ATM: variants seen among roughly 807,000 people sequenced by gnomAD.
ATM encodes ATM serine/threonine kinase, also known as serine-protein kinase ATM.
A neutral mutation model predicts 387.0 loss-of-function variants in ATM; 308 were observed. The ratio of observed to expected loss-of-function variants is 0.80; its 90% CI spans 0.73 to 0.87. The LOEUF (loss-of-function observed/expected upper bound fraction) is 0.87. Among genes scored for constraint, ATM ranks in the 40% least tolerant of loss-of-function variants. The pLI, the probability that ATM is intolerant of heterozygous loss-of-function variation, is 0.00. For synonymous variants in ATM, 1,156 were observed against 1,187.3 expected (o/e 0.97, Z 0.54); for missense variants, 3,312 against 3,560.9 (o/e 0.93, Z 1.78).
intron 59 of ATM, among the ~76,000 whole-genome samples, chr11:108,350,388 TG>T (rs1813772550): frequency 6.6e-6 from 1 of 152,136 alleles, no homozygotes; most frequent in Non-Finnish European, 1.5e-5. Context: ...ATTTGAAGAC[TG>T]TTTAGTAAGA....
intron 16 of ATM, 67 bp downstream of exon 16, chr11:108,259,142 T>C: frequency 2.3e-6 from 3 of 1,297,210 alleles, no homozygotes; most frequent in Admixed American, 1.8e-5. Flanking sequence ...TGTTGAAATA[T>C]CTTTGTAAAT....
Position 108,367,028 on chromosome 11 carries a change from C to T in ATM, c.*1520C>T, listed in dbSNP as rs112426029. 3.0e-4 allele frequency: 56 copies of T among 189,442 alleles called. No individual in the cohort carries two copies. The highest frequency in any genetic ancestry group is 1.8e-3 in the Middle Eastern group (1 of 544). The allele number at this position is 189,442 out of a possible 1,614,324, so 11.7% of individuals were successfully genotyped here. A position where few individuals can be genotyped will look rare whatever the true frequency, so the allele number is the denominator to read the frequency against. On this transcript the variant is annotated 3_prime_UTR_variant, in exon 63 of 63. Transcript: ENST00000675843. ...TCTGAGACAGAGTCTTGCTCTGTCACCCAGGCTGGAGTGCAGTGGCATGAT... is the reference window on the plus strand; with the variant it reads ...TCTGAGACAGAGTCTTGCTCTGTCATCCAGGCTGGAGTGCAGTGGCATGAT...
Position 108,253,814 on chromosome 11 carries a change from T to G in ATM, c.1899T>G (p.Cys633Trp), listed in dbSNP as rs1040176168. ...AMNFFQSVPE[C>W]EHHQKDKEEL... ...TATTAAAGATCTTACTTTCTTGAAG[T>G]GAACACCACCAAAAAGATAAAGAAG... The change falls in exon 13 of 63, where the codon TGT becomes TGG. Residue 633 changes from cysteine to tryptophan, a missense_variant and splice_region_variant. Coordinates refer to ENST00000675843, the MANE Select transcript of ATM (RefSeq NM_000051.4). 3 of 1,612,254 alleles carry G rather than the reference T, an allele frequency of 1.9e-6. No individual in the cohort carries two copies. The highest frequency in any genetic ancestry group is 1.7e-5 in the Admixed American group (1 of 60,006).
chr11:108,268,176 CA>C (rs2081365939), intron 17 of ATM, among the ~76,000 whole-genome samples: 1 of 151,966 alleles, frequency 6.6e-6, no homozygotes, highest in Non-Finnish European at 1.5e-5. Flanking sequence ...AACATTATTG[CA>C]ATGATCATTT....
chr11:108,354,361 G>A (rs538782298), intron 60 of ATM, among the ~76,000 whole-genome samples: 2 of 152,238 alleles, frequency 1.3e-5, no homozygotes, highest in East Asian at 3.9e-4. Flanking sequence ...GCTCATCACT[G>A]TGCATATAGA....
intron 48 of ATM, among the ~76,000 whole-genome samples, chr11:108,328,030 C>T (rs2085857782): frequency 6.6e-6 from 1 of 152,124 alleles, no homozygotes; most frequent in South Asian, 2.1e-4. Context: ...TGCTTCTGAT[C>T]ATTTCTTCAT....
chr11:108,295,239 C>T, intron 32 of ATM, 180 bp downstream of exon 32: 1 of 712,806 alleles, frequency 1.4e-6, no homozygotes, highest in Non-Finnish European at 2.3e-6. Flanking sequence ...ACCCTGAACT[C>T]TTCCTGTTTT....
chr11:108,279,952 T>C (rs1447198569), intron 23 of ATM, among the ~76,000 whole-genome samples: 1 of 152,200 alleles, frequency 6.6e-6, no homozygotes, highest in East Asian at 1.9e-4. Context: ...AAGAAATGGA[T>C]TGAGGAGAAG....
chr11:108,264,462 G>C (rs185538705), intron 16 of ATM, among the ~76,000 whole-genome samples: 1 of 152,178 alleles, frequency 6.6e-6, no homozygotes, highest in Non-Finnish European at 1.5e-5. Context: ...GAATAAATTA[G>C]GTATTGATGG....
intron 26 of ATM, among the ~76,000 whole-genome samples, chr11:108,284,773 G>T (rs1011960107): frequency 1.3e-5 from 2 of 152,124 alleles, no homozygotes; most frequent in Admixed American, 6.6e-5. Context: ...AATGCAAACT[G>T]GTTGTTAAAG....
In ATM at chr11:108,227,824, A is replaced by G. The variant is rs1060501672; in HGVS notation, c.121A>G (p.Lys41Glu). 3.1e-6 allele frequency: 5 copies of G among 1,613,658 alleles called. No homozygotes were observed. Among genetic ancestry groups the G allele is most frequent in the Non-Finnish European group, 3.4e-6 (4 of 1,179,878 alleles). Residue 41 changes from lysine (K) to glutamate (E), a missense_variant, in exon 3 of 63, where the codon AAA becomes GAA. Physicochemically the swap from Lys to Glu is moderately conservative, Grantham distance 56. Transcript: ENST00000675843. The stretch of plus-strand genomic sequence containing the variant: ...CCTGATTCGAGATCCTGAAACAATT[A>G]AACATCTAGATCGGCATTCAGATTC... ...KRLIRDPETIKHLDRHSDSKQ... is the reference protein window; with the variant it reads ...KRLIRDPETIEHLDRHSDSKQ...
At chr11:108,229,374 G>C (rs759952043) in intron 4 of ATM, 51 bp downstream of exon 4, 2 of 1,371,668 alleles carry the variant, frequency 1.5e-6, no homozygotes, top group Non-Finnish European at 2.0e-6. Context: ...TTACTGTCGC[G>C]TGAGTTTTTT....
rs2136315409 is a variant in ATM, at chr11:108,325,475, T to C, written c.6738T>C (p.Cys2246=). The C allele has an allele frequency of 1.2e-6, 2 of 1,613,720 alleles. No homozygotes were observed. Among genetic ancestry groups the C allele is most frequent in the Non-Finnish European group, 1.7e-6 (2 of 1,179,910 alleles). ...EKEMDNSQRE[C]IKDILTKHLV... is the part of the protein sequence containing the mutation. Reference sequence around the variant, plus strand: ...AAATGGACAACTCACAAAGAGAATGTATTAAGGACATTCTCACCAAACACC... The same window carrying C: ...AAATGGACAACTCACAAAGAGAATGCATTAAGGACATTCTCACCAAACACC... The change falls in exon 46 of 63, where the codon TGT becomes TGC. Residue 2246 remains cysteine, a synonymous_variant. Coordinates refer to ENST00000675843, the MANE Select transcript of ATM (RefSeq NM_000051.4).
chr11:108,275,521 A>T lies in ATM; in HGVS notation c.3284+2669A>T, dbSNP rs374141968. On this transcript the variant is annotated intron_variant, in intron 22 of 62. Transcript: ENST00000675843. ...GTACCAGCTTTGCCTTTCCATATTT[A>T]GTGCTACCTTCAGGAGCTCTTGTAA... Among the ~76,000 whole-genome samples the T allele has an allele frequency of 2.1e-3, 314 of 152,310 alleles. 1 individual carries two copies. The highest frequency in any genetic ancestry group is 7.1e-3 in the African/African-American group (293 of 41,560).
chr11:108,249,979 T>C lies in ATM; in HGVS notation c.1236-722T>C, dbSNP rs117303038. Among the ~76,000 whole-genome samples the C allele has an allele frequency of 3.7e-3, 561 of 152,244 alleles. 1 individual carries two copies. Among genetic ancestry groups the C allele is most frequent in the Non-Finnish European group, 6.4e-3 (435 of 68,030 alleles). ...AACATAAGACTCCTATTCTTAAGTATCACACATTCTAGAGAATACACAGCA... is the reference window on the plus strand; with the variant it reads ...AACATAAGACTCCTATTCTTAAGTACCACACATTCTAGAGAATACACAGCA... On this transcript the variant is annotated intron_variant, in intron 9 of 62. Coordinates refer to ENST00000675843, the MANE Select transcript of ATM (RefSeq NM_000051.4).
At chr11:108,347,583 C>T (rs1224022649) in intron 59 of ATM, among the ~76,000 whole-genome samples, 2 of 152,104 alleles carry the variant, frequency 1.3e-5, no homozygotes, top group African/African-American at 4.8e-5. Context: ...GTCTTTTGAG[C>T]CTGGTCTTCA....
intron 61 of ATM, among the ~76,000 whole-genome samples, chr11:108,363,294 C>T (rs1487904466): frequency 6.6e-6 from 1 of 152,174 alleles, no homozygotes; most frequent in East Asian, 1.9e-4. Flanking sequence ...GATCTCCCCG[C>T]TTCCTAAGCC....
chr11:108,300,506 A>G (rs570882842), intron 34 of ATM, among the ~76,000 whole-genome samples: 56 of 152,308 alleles, frequency 3.7e-4, no homozygotes, highest in African/African-American at 1.2e-3. Flanking sequence ...GTAGCCTCAA[A>G]GGGTTTTCCT....
chr11:108,226,171 G>A (rs778810321), intron 1 of ATM: 3 of 151,834 alleles, frequency 2.0e-5, no homozygotes, highest in Non-Finnish European at 2.9e-5. Context: ...TAGGTTCTGT[G>A]GGTAGATGTG....
Sources: gnomAD v4.1 joint callset for allele counts (sites outside exome capture counted in the v4.1 genomes callset) on GRCh38, gnomAD v4.1.1 for gene constraint, MANE v1.5 for transcripts, NCBI Gene and HGNC (gene_info 2026-07-23, HGNC 2026-07-21) for gene names.